Variants in FTO observed in about 807,000 individuals in gnomAD.
FTO encodes FTO alpha-ketoglutarate dependent dioxygenase.
A neutral mutation model predicts 63.9 loss-of-function variants in FTO; 47 were observed. That is an observed-to-expected ratio of 0.74 (90% CI 0.58 to 0.94). The LOEUF is 0.94. Ranked by LOEUF, FTO falls within the 40% of genes least tolerant of loss-of-function variation. The pLI is 0.00. For synonymous variants in FTO, 207 were observed against 224.4 expected, an observed-to-expected ratio of 0.92 and a Z score of 0.69; for missense variants, 562 against 618.1, an observed-to-expected ratio of 0.91 and a Z score of 0.96.
intron 8 of FTO, among the ~76,000 whole-genome samples, chr16:53,949,712 A>C (rs1157593644): frequency 6.9e-6 from 1 of 145,712 alleles, no homozygotes; most frequent in Non-Finnish European, 1.5e-5. Context: ...AAAAAAAAAA[A>C]AACCCAGTGA....
intron 8 of FTO, chr16:53,979,572 C>T (rs1279851104): frequency 6.2e-5 from 24 of 385,436 alleles, no homozygotes; most frequent in Admixed American, 2.3e-4. Context: ...TGTGTGCGCG[C>T]GTGTGTGAAT....
chr16:54,051,695 C>T (rs1449870529), intron 8 of FTO, among the ~76,000 whole-genome samples: 1 of 152,226 alleles, frequency 6.6e-6, no homozygotes. Flanking sequence ...AAGCAGTCCT[C>T]ATATTAAAAT....
intron 8 of FTO, chr16:54,039,248 T>A (rs922555299): frequency 4.6e-5 from 7 of 152,156 alleles, no homozygotes; most frequent in Non-Finnish European, 8.8e-5. Context: ...GAGCACTAAG[T>A]GGTAGTGGCT....
intron 8 of FTO, chr16:53,985,073 CTGTT>C: frequency 4.6e-6 from 2 of 438,220 alleles, no homozygotes; most frequent in South Asian, 3.3e-5. Context: ...ACAAGGTTAC[CTGTT>C]TGTTCCAGTA....
At chr16:53,769,522 C>T (rs530338917) in intron 1 of FTO, among the ~76,000 whole-genome samples, 1 of 152,010 alleles carries the variant, frequency 6.6e-6, no homozygotes, top group East Asian at 1.9e-4. Flanking sequence ...ATAGCAACTG[C>T]GATACAAGTG....
At chr16:53,822,691 ATG>A (rs1206258464) in intron 2 of FTO, among the ~76,000 whole-genome samples, 13 of 152,032 alleles carry the variant, frequency 8.6e-5, no homozygotes, top group African/African-American at 1.7e-4. Context: ...TTGTGTGTAT[ATG>A]TGTGTGTGTA....
intron 8 of FTO, among the ~76,000 whole-genome samples, chr16:53,961,692 C>G (rs1446677402): frequency 6.6e-6 from 1 of 152,162 alleles, no homozygotes; most frequent in Non-Finnish European, 1.5e-5. Flanking sequence ...TACCTGAAAT[C>G]TCTTTTAAAA....
At chr16:54,077,691 TC>T (rs376381288) in intron 8 of FTO, among the ~76,000 whole-genome samples, 2 of 152,056 alleles carry the variant, frequency 1.3e-5, no homozygotes, top group Non-Finnish European at 2.9e-5. Flanking sequence ...AGAGAAATCA[TC>T]AAATGCAGAG....
At chr16:54,016,624 T>A (rs1268850924) in intron 8 of FTO, among the ~76,000 whole-genome samples, 2 of 152,208 alleles carry the variant, frequency 1.3e-5, no homozygotes, top group African/African-American at 4.8e-5. Flanking sequence ...TCTTTCCTAT[T>A]TTCTTCCCTG....
At chr16:54,000,453 C>A (rs2084040770) in intron 8 of FTO, among the ~76,000 whole-genome samples, 2 of 152,176 alleles carry the variant, frequency 1.3e-5, no homozygotes, top group South Asian at 2.1e-4. Flanking sequence ...CCTAGGACTG[C>A]TAAGCGGGGG....
At chr16:54,082,328 A>G (rs2086168995) in intron 8 of FTO, among the ~76,000 whole-genome samples, 1 of 152,180 alleles carries the variant, frequency 6.6e-6, no homozygotes, top group Admixed American at 6.5e-5. Context: ...CTTAGGAGCA[A>G]CTTCCTGTGG....
intron 7 of FTO, among the ~76,000 whole-genome samples, chr16:53,931,369 C>T (rs1038108618): frequency 2.8e-5 from 4 of 144,066 alleles, no homozygotes; most frequent in African/African-American, 1.0e-4. Context: ...TGCAATGGCG[C>T]GATCTTGGCT....
At position 53,907,076 on chromosome 16, in the gene FTO, C is replaced by A. The variant is rs73609311; in HGVS notation, c.1239+18125C>A. Among the ~76,000 whole-genome samples, 434 of 152,340 alleles carry A rather than the reference C, an allele frequency of 2.8e-3. 1 individual carries two copies. The highest frequency in any genetic ancestry group is 0.01 in the African/African-American group (419 of 41,586). ...CATATGCAAATCTAATCATACTCCT[C>A]TCTGTGTAAACTCATTAATGGGTTC... is the stretch of plus-strand genomic sequence containing the variant. On this transcript the variant is annotated intron_variant, in intron 7 of 8. Coordinates refer to ENST00000471389, the MANE Select transcript of FTO (RefSeq NM_001080432.3).
chr16:54,099,514 A>G (rs998201449), intron 8 of FTO, among the ~76,000 whole-genome samples: 12 of 152,094 alleles, frequency 7.9e-5, no homozygotes, highest in African/African-American at 2.9e-4. Context: ...TTTGACCTTT[A>G]TATTGTTACC....
At chr16:53,816,688 G>A (rs2078701574) in intron 2 of FTO, among the ~76,000 whole-genome samples, 1 of 151,902 alleles carries the variant, frequency 6.6e-6, no homozygotes, top group South Asian at 2.1e-4. Flanking sequence ...GTATCTAGAG[G>A]CCTTCCCTTA....
chr16:54,050,186 G>T (rs1244790784), intron 8 of FTO, among the ~76,000 whole-genome samples: 2 of 152,080 alleles, frequency 1.3e-5, no homozygotes, highest in African/African-American at 4.8e-5. Flanking sequence ...TCAATTATTT[G>T]TCAATTATGA....
At chr16:53,839,951 C>T (rs973927456) in intron 3 of FTO, among the ~76,000 whole-genome samples, 4 of 151,840 alleles carry the variant, frequency 2.6e-5, no homozygotes, top group South Asian at 2.1e-4. Flanking sequence ...ATTACAGGCA[C>T]GCACCACCAC....
chr16:53,823,642 G>T (rs375889145), intron 2 of FTO, among the ~76,000 whole-genome samples: 2 of 152,018 alleles, frequency 1.3e-5, no homozygotes, highest in Non-Finnish European at 2.9e-5. Context: ...ATAGTAAATT[G>T]TTTATTTAGT....
At chr16:53,985,898 A>G (rs1488648262) in intron 8 of FTO, among the ~76,000 whole-genome samples, 6 of 152,250 alleles carry the variant, frequency 3.9e-5, no homozygotes, top group Non-Finnish European at 7.3e-5. Context: ...CTATGGCTTA[A>G]AGAGTGTAAC....
Sources: gnomAD v4.1 joint callset for allele counts (sites outside exome capture counted in the v4.1 genomes callset) on GRCh38, gnomAD v4.1.1 for gene constraint, MANE v1.5 for transcripts, NCBI Gene and HGNC (gene_info 2026-07-23, HGNC 2026-07-21) for gene names.